The following DEPDC7 variants were observed in gnomAD, a reference collection of about 807,000 sequenced individuals.
The protein encoded by DEPDC7 is DEP domain containing 7.
Under a neutral mutation model 56.6 loss-of-function variants are expected in DEPDC7, and 41 were observed. The ratio of observed to expected loss-of-function variants is 0.72; its 90% confidence interval spans 0.56 to 0.94. DEPDC7 has a LOEUF of 0.94. Ranked by LOEUF, DEPDC7 falls within the 40% of genes least tolerant of loss-of-function variation. The pLI, the probability that DEPDC7 is intolerant of heterozygous loss-of-function variation, is 0.00. For synonymous variants in DEPDC7, 185 were observed against 208.8 expected (o/e 0.89, Z 0.98); for missense variants, 522 against 596.3 (o/e 0.88, Z 1.30).
chr11:33,028,056 G>A (rs180932550), intron 3 of DEPDC7: 38 of 335,932 alleles, frequency 1.1e-4, no homozygotes, highest in Non-Finnish European at 9.0e-5. Flanking sequence ...GATCTGAGAT[G>A]TTTTGCATGC....
intron 4 of DEPDC7, 36 bp from the exon 5 acceptor site, chr11:33,031,342 C>G (rs1564966088): frequency 6.6e-7 from 1 of 1,511,520 alleles, no homozygotes; most frequent in Non-Finnish European, 9.2e-7. Flanking sequence ...ATAATCTTCC[C>G]TTGCCTTTTA....
chr11:33,027,755 G>A lies in DEPDC7; in HGVS notation c.534G>A (p.Leu178=), dbSNP rs1304520552. Residue 178 remains leucine, a synonymous_variant, in exon 3 of 9, where the codon CTG becomes CTA. Coordinates refer to ENST00000241051, the MANE Select transcript of DEPDC7 (RefSeq NM_001077242.2). ...GTTTAGAGGACCTGTGGGAAAATCT[G>A]AGTTTAAAGCCTGCCAACTCCCCTC... The part of the protein sequence containing the change: ...SASLEDLWEN[L]SLKPANSPHV... 2 of 1,577,864 alleles carry A rather than the reference G, an allele frequency of 1.3e-6. No homozygotes were observed. Among genetic ancestry groups the A allele is most frequent in the African/African-American group, 1.4e-5 (1 of 72,312 alleles).
At chr11:33,033,162 A>T in intron 8 of DEPDC7, 100 bp from the exon 9 acceptor site, 1 of 1,035,552 alleles carries the variant, frequency 9.7e-7, no homozygotes, top group Non-Finnish European at 1.4e-6. Flanking sequence ...ATATTACAAA[A>T]TGGGGAAGAA....
rs777553881 is a variant in DEPDC7, at chr11:33,032,893, C to A, written c.1268C>A (p.Pro423His). The A allele has an allele frequency of 1.2e-6, 2 of 1,601,090 alleles. No homozygotes were observed. The highest frequency in any genetic ancestry group is 3.5e-5 in the Admixed American group (2 of 57,456). The change falls in exon 8 of 9, where the codon CCT (proline) becomes CAT (histidine). Residue 423 changes from proline (P) to histidine (H), a missense_variant. Coordinates refer to ENST00000241051, the MANE Select transcript of DEPDC7 (RefSeq NM_001077242.2). ...ATGTCCCTTCTTTTTCTTAAGATTC[C>A]TGGAACTCTACATAAAATTGTAAGT... ...MDHQKDVFKI[P>H]GTLHKIVSVK...
chr11:33,027,428 G>C (rs1853590300), intron 2 of DEPDC7, among the ~76,000 whole-genome samples: 1 of 152,136 alleles, frequency 6.6e-6, no homozygotes, highest in Non-Finnish European at 1.5e-5. Context: ...AGTTATGTTT[G>C]ATCGCATTTT....
chr11:33,016,225 T>C (rs571827651), intron 1 of DEPDC7, 197 bp downstream of exon 1: 1 of 1,306,800 alleles, frequency 7.7e-7, no homozygotes, highest in Non-Finnish European at 9.7e-7. Context: ...CTCTGGCTGG[T>C]GGGCTGCAAG....
At position 33,024,134 on chromosome 11, in the gene DEPDC7, C is replaced by T. The variant is rs542579502; in HGVS notation, c.74-1525C>T. 3.4e-4 allele frequency among the ~76,000 whole-genome samples: 52 copies of T among 152,292 alleles called. No homozygotes were observed. The South Asian group carries it at 9.7e-3, about 29-fold the overall frequency. Reference sequence around the variant, plus strand: ...AGTGATTCACTGGAATCCATTCCATCGGTTTACAAAAACCCAAGACCTGAT... The same window carrying T: ...AGTGATTCACTGGAATCCATTCCATTGGTTTACAAAAACCCAAGACCTGAT... On this transcript the variant is annotated intron_variant, in intron 1 of 8. Coordinates refer to ENST00000241051, the MANE Select transcript of DEPDC7 (RefSeq NM_001077242.2).
At chr11:33,025,618 G>A (rs760595441) in intron 1 of DEPDC7, 41 bp from the exon 2 acceptor site, 2 of 1,556,198 alleles carry the variant, frequency 1.3e-6, no homozygotes, top group South Asian at 2.4e-5. Flanking sequence ...AAATGAACAA[G>A]GTACTAAATC....
intron 3 of DEPDC7, 130 bp downstream of exon 3, chr11:33,027,943 C>A (rs1853595371): frequency 2.3e-6 from 2 of 883,476 alleles, no homozygotes; most frequent in East Asian, 3.2e-5. Flanking sequence ...TGTATTAAAG[C>A]TGTTTATGTT....
At chr11:33,016,899 T>C (rs779799179) in intron 1 of DEPDC7, among the ~76,000 whole-genome samples, 5 of 152,220 alleles carry the variant, frequency 3.3e-5, no homozygotes, top group Non-Finnish European at 5.9e-5. Context: ...TTTTCCCCTT[T>C]CTGGAGCTCC....
chr11:33,021,097 A>C (rs1663392106), intron 1 of DEPDC7, among the ~76,000 whole-genome samples: 1 of 151,972 alleles, frequency 6.6e-6, no homozygotes, highest in African/African-American at 2.4e-5. Context: ...AAATACAAAA[A>C]AAAATTAGCT....
chr11:33,017,846 A>G (rs765565570), intron 1 of DEPDC7, among the ~76,000 whole-genome samples: 9 of 152,214 alleles, frequency 5.9e-5, no homozygotes, highest in Admixed American at 2.6e-4. Context: ...TTCAGCCAGT[A>G]TGTCAAAAAC....
In DEPDC7 at chr11:33,032,731, TC is replaced by T. The variant is rs1853646390; in HGVS notation, c.1203del (p.Gly403AlafsTer10). 1.9e-6 allele frequency: 3 copies of T among 1,608,630 alleles called. No individual in the cohort carries two copies. The highest frequency in any genetic ancestry group is 2.5e-6 in the Non-Finnish European group (3 of 1,177,676). On this transcript the variant is annotated frameshift_variant, in exon 7 of 9. Coordinates refer to ENST00000241051, the MANE Select transcript of DEPDC7 (RefSeq NM_001077242.2). LOFTEE classifies it high-confidence loss of function. ...SKAIVDNKNL[S>X]KGKTDLLVLF... Reference sequence around the variant, plus strand: ...AGCTATTGTTGACAATAAAAATTTATCCAAAGGCAAAACAGATCTTCTGGTA... The same window carrying T: ...AGCTATTGTTGACAATAAAAATTTATCAAAGGCAAAACAGATCTTCTGGTA...
chr11:33,028,579 C>G (rs905866870), intron 3 of DEPDC7, 24 bp from the exon 4 acceptor site: 2 of 1,548,692 alleles, frequency 1.3e-6, no homozygotes. Flanking sequence ...TGTTACTTTT[C>G]ACCTTGTCAT....
At chr11:33,027,563 AATTTGG>A in intron 2 of DEPDC7, 117 bp from the exon 3 acceptor site, 1 of 758,072 alleles carries the variant, frequency 1.3e-6, no homozygotes, top group Non-Finnish European at 1.9e-6. Context: ...CTACTCTTAG[AATTTGG>A]ATTTGTTGTG....
In DEPDC7 at chr11:33,032,701, T is replaced by C. The variant is rs754892290; in HGVS notation, c.1171T>C (p.Ser391Pro). The C allele has an allele frequency of 1.1e-5, 17 of 1,603,402 alleles. No individual in the cohort carries two copies. Among genetic ancestry groups the C allele is most frequent in the Non-Finnish European group, 1.4e-5 (17 of 1,174,028 alleles). ...CCGAATGGTTGTGAAAAGGATATTCTCAAAAGCTATTGTTGACAATAAAAA... is the reference window on the plus strand; with the variant it reads ...CCGAATGGTTGTGAAAAGGATATTCCCAAAAGCTATTGTTGACAATAAAAA... ...DNRMVVKRIF[S>P]KAIVDNKNLS... The change falls in exon 7 of 9, where the codon TCA (serine) becomes CCA (proline). Residue 391 changes from serine to proline, a missense_variant. Coordinates refer to ENST00000241051, the MANE Select transcript of DEPDC7 (RefSeq NM_001077242.2).
Position 33,032,387 on chromosome 11 carries a change from T to C in DEPDC7, c.1046T>C (p.Leu349Pro). The change falls in exon 6 of 9, where the codon CTT becomes CCT. Residue 349 changes from leucine to proline, a missense_variant. Transcript: ENST00000241051. The part of the protein sequence containing the change: ...ALEATQLLLK[L>P]LDFQNREEFR... ...GAAGCTACCCAGCTCCTTCTAAAGCTTTTAGATTTCCAAAATAGAGAAGAA... is the reference window on the plus strand; with the variant it reads ...GAAGCTACCCAGCTCCTTCTAAAGCCTTTAGATTTCCAAAATAGAGAAGAA... 1 of 1,579,774 alleles carries C rather than the reference T, an allele frequency of 6.3e-7. No homozygotes were observed. The highest frequency in any genetic ancestry group is 2.1e-5 in the Admixed American group (1 of 48,152).
At chr11:33,029,798 C>T (rs1853614174) in intron 4 of DEPDC7, among the ~76,000 whole-genome samples, 1 of 152,208 alleles carries the variant, frequency 6.6e-6, no homozygotes, top group Admixed American at 6.5e-5. Context: ...CAGTACTTCA[C>T]TAATTCTACG....
intron 2 of DEPDC7, among the ~76,000 whole-genome samples, chr11:33,026,944 G>A (rs1038734632): frequency 6.6e-6 from 1 of 152,022 alleles, no homozygotes; most frequent in African/African-American, 2.4e-5. Flanking sequence ...TACATGTTTT[G>A]ACCCAAACTA....
Sources: gnomAD v4.1 joint callset for allele counts (sites outside exome capture counted in the v4.1 genomes callset) on GRCh38, gnomAD v4.1.1 for gene constraint, MANE v1.5 for transcripts, NCBI Gene and HGNC (gene_info 2026-07-23, HGNC 2026-07-21) for gene names.